Variants in KAT6B observed in about 807,000 individuals in gnomAD.
KAT6B encodes lysine acetyltransferase 6B, also known as histone acetyltransferase KAT6B.
Under a neutral mutation model 187.5 loss-of-function variants are expected in KAT6B, and 10 were observed. The observed-to-expected ratio is 0.05, with a 90% confidence interval of 0.03 to 0.09. The LOEUF is 0.09. KAT6B is among the 10% of genes least tolerant of loss of function. The probability of loss-of-function intolerance (pLI) is 1.00; values close to 1 mark genes in which losing one functional copy is unlikely to be tolerated. For synonymous variants in KAT6B, 861 were observed against 926.8 expected, an observed-to-expected ratio of 0.93 and a Z score of 1.29; for missense variants, 1,952 against 2,558.9, an observed-to-expected ratio of 0.76 and a Z score of 5.12.
intron 3 of KAT6B, 21 bp downstream of exon 3, chr10:74,843,499 C>T (rs777366739): frequency 5.6e-6 from 9 of 1,612,190 alleles, no homozygotes; most frequent in African/African-American, 5.3e-5. Context: ...GAGTAATGTT[C>T]GTGCATTCTC....
chr10:74,834,292 G>C (rs1231257296), intron 1 of KAT6B, among the ~76,000 whole-genome samples: 1 of 151,914 alleles, frequency 6.6e-6, no homozygotes, highest in Non-Finnish European at 1.5e-5. Context: ...CCACCTCCGG[G>C]GTTCAAGCAA....
intron 4 of KAT6B, among the ~76,000 whole-genome samples, chr10:74,962,912 A>G (rs897422769): frequency 4.6e-5 from 7 of 151,210 alleles, no homozygotes; most frequent in Non-Finnish European, 8.8e-5. Flanking sequence ...ACGTGAGGTG[A>G]GGTATGTAGT....
chr10:74,962,271 G>A (rs1194518225), intron 4 of KAT6B, among the ~76,000 whole-genome samples: 1 of 152,092 alleles, frequency 6.6e-6, no homozygotes, highest in Admixed American at 6.5e-5. Flanking sequence ...TTCATTTTAG[G>A]GAGTTTGGGG....
At chr10:74,912,647 A>G (rs1847329800) in intron 3 of KAT6B, among the ~76,000 whole-genome samples, 2 of 152,200 alleles carry the variant, frequency 1.3e-5, no homozygotes, top group African/African-American at 4.8e-5. Context: ...AGCTGTGAAT[A>G]CAGTTTATAA....
intron 3 of KAT6B, among the ~76,000 whole-genome samples, chr10:74,957,314 A>G (rs552655718): frequency 2.6e-5 from 4 of 152,382 alleles, no homozygotes; most frequent in African/African-American, 4.8e-5. Context: ...GTGGTTTTAT[A>G]GAGTATTGTG....
intron 3 of KAT6B, 63 bp from the exon 4 acceptor site, chr10:74,959,907 T>G (rs1840975701): frequency 1.8e-6 from 2 of 1,126,124 alleles, no homozygotes; most frequent in Admixed American, 3.4e-5. Flanking sequence ...AAGCTTTTGA[T>G]TTTAATGTTT....
intron 3 of KAT6B, among the ~76,000 whole-genome samples, chr10:74,950,470 C>A (rs1043658317): frequency 2.0e-5 from 3 of 152,136 alleles, no homozygotes; most frequent in African/African-American, 7.2e-5. Context: ...TGATTTAGAT[C>A]ATCACAGGAA....
chr10:74,900,771 C>A (rs550088521), intron 3 of KAT6B, among the ~76,000 whole-genome samples: 1 of 152,176 alleles, frequency 6.6e-6, no homozygotes, highest in African/African-American at 2.4e-5. Flanking sequence ...CACTGCCTAC[C>A]ACATAGTGCT....
At chr10:74,997,306 T>G (rs1464323165) in intron 13 of KAT6B, among the ~76,000 whole-genome samples, 5 of 129,448 alleles carry the variant, frequency 3.9e-5, no homozygotes, top group African/African-American at 8.7e-5. Context: ...GAACACAGAA[T>G]GTACAGAAAA....
At chr10:74,835,322 G>A (rs1192599573) in intron 1 of KAT6B, among the ~76,000 whole-genome samples, 1 of 152,156 alleles carries the variant, frequency 6.6e-6, no homozygotes, top group Non-Finnish European at 1.5e-5. Flanking sequence ...CATCCTCCAC[G>A]TGGTTTCAGC....
rs373204857 is a variant in KAT6B at position 74,995,191 on chromosome 10, G to A, written c.2629+6079G>A. Among the ~76,000 whole-genome samples the A allele has an allele frequency of 4.3e-4, 65 of 152,264 alleles. 1 individual carries two copies. The South Asian group carries it at 0.013, about 30-fold the overall frequency. ...CCATTGTGAAAAACAAACCTCTTAA[G>A]TGGAGGTCAATATTTATATATGGTT... On this transcript the variant is annotated intron_variant, in intron 13 of 17. Transcript: ENST00000287239.
At chr10:75,006,206 T>A (rs1844193868) in intron 13 of KAT6B, among the ~76,000 whole-genome samples, 1 of 152,214 alleles carries the variant, frequency 6.6e-6, no homozygotes, top group African/African-American at 2.4e-5. Context: ...GAAGAGGTTC[T>A]GACCAGACAA....
intron 3 of KAT6B, among the ~76,000 whole-genome samples, chr10:74,959,247 T>C (rs1840919970): frequency 6.6e-6 from 1 of 152,138 alleles, no homozygotes; most frequent in African/African-American, 2.4e-5. Context: ...TTATGTCAAA[T>C]ATTTAGTAGG....
chr10:74,987,209 G>A (rs577293042), intron 12 of KAT6B, among the ~76,000 whole-genome samples: 1 of 152,204 alleles, frequency 6.6e-6, no homozygotes, highest in South Asian at 2.1e-4. Flanking sequence ...GCCGAGGTGG[G>A]CAGATCATGA....
chr10:74,993,512 A>G (rs1411551897), intron 13 of KAT6B, among the ~76,000 whole-genome samples: 1 of 152,216 alleles, frequency 6.6e-6, no homozygotes, highest in Non-Finnish European at 1.5e-5. Context: ...GCTCTCATAT[A>G]TAGCCACAAT....
intron 3 of KAT6B, among the ~76,000 whole-genome samples, chr10:74,907,513 T>C (rs1846858899): frequency 6.6e-6 from 1 of 151,434 alleles, no homozygotes; most frequent in Admixed American, 6.6e-5. Context: ...ACTTTTCTTT[T>C]TTCTTTTTCT....
intron 3 of KAT6B, among the ~76,000 whole-genome samples, chr10:74,937,951 G>T (rs1011457556): frequency 6.6e-6 from 1 of 152,170 alleles, no homozygotes; most frequent in South Asian, 2.1e-4. Context: ...TCCTCATATC[G>T]AAATGGTAAA....
chr10:74,885,567 T>C (rs1845180715), intron 3 of KAT6B, among the ~76,000 whole-genome samples: 1 of 152,166 alleles, frequency 6.6e-6, no homozygotes, highest in African/African-American at 2.4e-5. Flanking sequence ...CAAAAATTAA[T>C]TCCAGAAATA....
At chr10:74,947,287 C>G (rs546006011) in intron 3 of KAT6B, among the ~76,000 whole-genome samples, 3 of 152,010 alleles carry the variant, frequency 2.0e-5, no homozygotes, top group Admixed American at 2.0e-4. Flanking sequence ...CCACCGCTCC[C>G]GGCTGAAAAA....
Sources: allele counts gnomAD v4.1 joint callset (sites outside exome capture counted in the v4.1 genomes callset), GRCh38; gene constraint gnomAD v4.1.1; transcripts MANE v1.5; gene names NCBI Gene and HGNC (gene_info 2026-07-23, HGNC 2026-07-21).